DPYD: variants seen among roughly 807,000 people sequenced by gnomAD.
DPYD encodes dihydropyrimidine dehydrogenase [NADP(+)].
In DPYD, 109 loss-of-function variants were observed where a neutral mutation model predicts 116.2. The ratio of observed to expected loss-of-function variants is 0.94; its 90% CI spans 0.80 to 1.10. The LOEUF (loss-of-function observed/expected upper bound fraction) is 1.10, where lower values mean the gene tolerates loss of function less well. Among genes scored for constraint, DPYD ranks in the 50% least tolerant of loss-of-function variants. DPYD has a pLI of 0.00. For missense variants in DPYD, 1,302 were observed against 1,254.5 expected (o/e 1.04, Z -0.57); for synonymous variants, 440 against 432.0 (o/e 1.02, Z -0.23).
intron 7 of DPYD, among the ~76,000 whole-genome samples, chr1:97,686,299 C>A (rs1455377153): frequency 4.6e-5 from 7 of 152,052 alleles, no homozygotes; most frequent in African/African-American, 1.7e-4. Flanking sequence ...AAACTAGACC[C>A]CTTCCTTACA....
intron 13 of DPYD, among the ~76,000 whole-genome samples, chr1:97,515,437 A>G: frequency 6.6e-6 from 1 of 152,114 alleles, no homozygotes; most frequent in East Asian, 1.9e-4. Context: ...TAATGAAACA[A>G]TTAATAATAC....
At chr1:97,289,633 A>G (rs1202092525) in intron 18 of DPYD, among the ~76,000 whole-genome samples, 1 of 152,174 alleles carries the variant, frequency 6.6e-6, no homozygotes. Flanking sequence ...GACAAAATTT[A>G]ACAACCCTTC....
At chr1:97,554,126 C>A (rs1651517979) in intron 11 of DPYD, among the ~76,000 whole-genome samples, 2 of 152,074 alleles carry the variant, frequency 1.3e-5, no homozygotes, top group Admixed American at 1.3e-4. Flanking sequence ...CACACAAGTT[C>A]TTCAATAAGC....
chr1:97,562,494 A>G (rs1570964415), intron 11 of DPYD, among the ~76,000 whole-genome samples: 1 of 152,212 alleles, frequency 6.6e-6, no homozygotes, highest in Non-Finnish European at 1.5e-5. Flanking sequence ...ATTACAAAAT[A>G]TAACAAGTAT....
intron 18 of DPYD, among the ~76,000 whole-genome samples, chr1:97,285,683 ATTT>A (rs113145453): frequency 1.9e-3 from 269 of 138,512 alleles, no homozygotes; most frequent in South Asian, 7.7e-3. Flanking sequence ...TGTTCCTTTA[ATTT>A]TTTTTTTTTT....
intron 1 of DPYD, among the ~76,000 whole-genome samples, chr1:97,893,440 A>ATATG (rs1483905425): frequency 1.2e-4 from 16 of 138,772 alleles, no homozygotes; most frequent in Admixed American, 1.1e-3. Context: ...ATATATATAT[A>ATATG]TATATATATA....
At position 97,595,113 on chromosome 1, in the gene DPYD, C is replaced by T. The variant is rs1433934509; in HGVS notation, c.904G>A (p.Gly302Arg). The T allele has an allele frequency of 1.2e-6, 2 of 1,613,656 alleles. No homozygotes were observed. Among genetic ancestry groups the T allele is most frequent in the South Asian group, 1.1e-5 (1 of 91,062 alleles). Residue 302 changes from glycine (G) to arginine (R), a missense_variant, in exon 9 of 23, where the codon GGG becomes AGG. Physicochemically the swap from Gly to Arg is moderately radical, Grantham distance 125 (BLOSUM62 -2). Coordinates refer to ENST00000370192, the MANE Select transcript of DPYD (RefSeq NM_000110.4). Reference protein sequence around the residue: ...AIFQGLTQDQGFYTSKDFLPL... With the variant: ...AIFQGLTQDQRFYTSKDFLPL... ...AAAAAGTCTTTGGATGTATAAAACC[C>T]CTGGTCCTGCGTCAGGCCTTGGAAG...
intron 3 of DPYD, among the ~76,000 whole-genome samples, chr1:97,741,252 A>C (rs1379606208): frequency 6.6e-6 from 1 of 152,114 alleles, no homozygotes; most frequent in Middle Eastern, 3.2e-3. Flanking sequence ...TATTGTGACT[A>C]TTTGCTCAGT....
intron 18 of DPYD, among the ~76,000 whole-genome samples, chr1:97,266,617 T>C (rs547363525): frequency 6.6e-6 from 1 of 152,238 alleles, no homozygotes; most frequent in African/African-American, 2.4e-5. Context: ...GCCATGTTGG[T>C]TTGCTGCACC....
chr1:97,523,475 T>G (rs1648835502), intron 12 of DPYD, among the ~76,000 whole-genome samples: 1 of 152,062 alleles, frequency 6.6e-6, no homozygotes, highest in Admixed American at 6.6e-5. Context: ...TTTTTTTCAT[T>G]TCATTGTCAT....
chr1:97,090,193 G>T (rs569645447), intron 21 of DPYD, among the ~76,000 whole-genome samples: 1 of 152,224 alleles, frequency 6.6e-6, no homozygotes, highest in Non-Finnish European at 1.5e-5. Context: ...TTACAAGTAT[G>T]TTTGAATACT....
intron 2 of DPYD, among the ~76,000 whole-genome samples, chr1:97,831,693 A>G (rs923424632): frequency 7.9e-5 from 12 of 152,044 alleles, no homozygotes; most frequent in South Asian, 6.2e-4. Flanking sequence ...ACCTACAACC[A>G]TCACAGCAGA....
chr1:97,448,479 C>A (rs1342178872), intron 14 of DPYD, among the ~76,000 whole-genome samples: 1 of 152,112 alleles, frequency 6.6e-6, no homozygotes, highest in Non-Finnish European at 1.5e-5. Context: ...GTAACTGTGC[C>A]TAGCACAGAG....
intron 18 of DPYD, among the ~76,000 whole-genome samples, chr1:97,268,243 C>T (rs1664358133): frequency 6.6e-6 from 1 of 152,084 alleles, no homozygotes; most frequent in Non-Finnish European, 1.5e-5. Flanking sequence ...GTACACTCAG[C>T]AGCTCTCACA....
At chr1:97,661,073 A>T (rs905246032) in intron 8 of DPYD, among the ~76,000 whole-genome samples, 2 of 152,188 alleles carry the variant, frequency 1.3e-5, no homozygotes, top group Admixed American at 6.5e-5. Context: ...GAAGTTTGAG[A>T]AAACCACAGG....
intron 14 of DPYD, among the ~76,000 whole-genome samples, chr1:97,425,010 T>C (rs1399062102): frequency 1.3e-5 from 2 of 152,076 alleles, no homozygotes; most frequent in Non-Finnish European, 2.9e-5. Context: ...ATCAATTTCA[T>C]ATAAATTTCA....
At chr1:97,146,138 G>T (rs973794164) in intron 20 of DPYD, among the ~76,000 whole-genome samples, 2 of 151,950 alleles carry the variant, frequency 1.3e-5, no homozygotes, top group Non-Finnish European at 2.9e-5. Flanking sequence ...TGATTTATTT[G>T]CTTTTTAGAT....
chr1:97,434,044 A>G (rs1008454043), intron 14 of DPYD, among the ~76,000 whole-genome samples: 6 of 152,128 alleles, frequency 3.9e-5, no homozygotes, highest in African/African-American at 1.4e-4. Flanking sequence ...AAACTAAATC[A>G]GGCACAAAAC....
chr1:97,387,208 T>C (rs886304325), intron 14 of DPYD, among the ~76,000 whole-genome samples: 4 of 152,066 alleles, frequency 2.6e-5, no homozygotes, highest in Non-Finnish European at 5.9e-5. Flanking sequence ...TCTTCCCCCA[T>C]CCTACAGTTT....
Sources: allele counts gnomAD v4.1 joint callset (sites outside exome capture counted in the v4.1 genomes callset), GRCh38; gene constraint gnomAD v4.1.1; transcripts MANE v1.5; gene names NCBI Gene and HGNC (gene_info 2026-07-23, HGNC 2026-07-21).